The following IPPK variants were observed in gnomAD, a reference collection of about 807,000 sequenced individuals.
IPPK encodes IPK1 homolog.
IPPK carries 22 observed loss-of-function variants against 64.6 expected under a neutral mutation model. The ratio of observed to expected loss-of-function variants is 0.34; its 90% CI spans 0.24 to 0.49. IPPK has a LOEUF of 0.49. Among genes scored for constraint, IPPK ranks in the 20% least tolerant of loss-of-function variants. The pLI is 0.99. For synonymous variants in IPPK, 262 were observed against 247.2 expected, an observed-to-expected ratio of 1.06 and a Z score of -0.56; for missense variants, 532 against 630.7, an observed-to-expected ratio of 0.84 and a Z score of 1.68.
intron 12 of IPPK, chr9:92,618,243 G>A (rs1006000749): frequency 8.8e-6 from 4 of 456,548 alleles, no homozygotes; most frequent in Admixed American, 7.0e-5. Context: ...GATGGTTCCA[G>A]TGCCTACACC....
intron 3 of IPPK, among the ~76,000 whole-genome samples, chr9:92,654,964 C>G (rs577463345): frequency 1.6e-4 from 25 of 152,390 alleles, no homozygotes; most frequent in South Asian, 4.1e-4. Flanking sequence ...CCTGAGCCTT[C>G]AGGTTCCTCC....
chr9:92,633,239 C>G (rs1484323714), intron 11 of IPPK, among the ~76,000 whole-genome samples: 2 of 151,986 alleles, frequency 1.3e-5, no homozygotes, highest in Admixed American at 1.3e-4. Context: ...TCTCAATCTC[C>G]TGACCTCATA....
Position 92,632,163 on chromosome 9 carries a change from A to T in IPPK, c.1170+2223T>A, listed in dbSNP as rs140726896. Among the ~76,000 whole-genome samples the T allele has an allele frequency of 2.9e-3, 447 of 152,318 alleles. 2 individuals carry two copies. The highest frequency in any genetic ancestry group is 4.1e-3 in the Non-Finnish European group (281 of 68,028). ...GTGGTTTCCAGTTTTTAGCTGTTAC[A>T]AAAAGGGCTGCTGTGAACATTTCTG... On this transcript the variant is annotated intron_variant, in intron 11 of 12. Transcript: ENST00000287996.
At chr9:92,640,451 G>A (rs1852025152) in intron 8 of IPPK, among the ~76,000 whole-genome samples, 1 of 152,140 alleles carries the variant, frequency 6.6e-6, no homozygotes, top group South Asian at 2.1e-4. Context: ...GGCTTTGGTC[G>A]AGCACCCCAG....
At chr9:92,639,168 G>T (rs1852000824) in intron 8 of IPPK, among the ~76,000 whole-genome samples, 1 of 152,008 alleles carries the variant, frequency 6.6e-6, no homozygotes. Context: ...TCCACCTCAG[G>T]CTCCCAAGTA....
chr9:92,637,255 G>A (rs185297061), intron 9 of IPPK, among the ~76,000 whole-genome samples: 2 of 152,256 alleles, frequency 1.3e-5, no homozygotes, highest in East Asian at 1.9e-4. Context: ...GCAGTGAGTC[G>A]AGATCACACA....
At chr9:92,644,952 T>A (rs555261551) in intron 6 of IPPK, among the ~76,000 whole-genome samples, 4 of 152,160 alleles carry the variant, frequency 2.6e-5, no homozygotes, top group Non-Finnish European at 5.9e-5. Context: ...ACACTGGACT[T>A]ACCAGACAAA....
intron 4 of IPPK, among the ~76,000 whole-genome samples, chr9:92,651,903 TTG>T (rs1308518609): frequency 2.0e-5 from 3 of 151,952 alleles, no homozygotes; most frequent in African/African-American, 7.2e-5. Flanking sequence ...TATATATATT[TTG>T]TTTGTTTGTT....
chr9:92,640,069 C>T (rs1240066579), intron 8 of IPPK, among the ~76,000 whole-genome samples: 1 of 152,230 alleles, frequency 6.6e-6, no homozygotes, highest in Non-Finnish European at 1.5e-5. Context: ...TATCCACCTG[C>T]GATGGCTGTC....
intron 1 of IPPK, 135 bp downstream of exon 1, chr9:92,669,773 C>T (rs2277165): frequency 3.2e-6 from 2 of 627,492 alleles, no homozygotes; most frequent in African/African-American, 2.0e-5. Context: ...GGGGGAATTC[C>T]GGAGACCGGC....
intron 5 of IPPK, among the ~76,000 whole-genome samples, chr9:92,649,114 A>G (rs1172973149): frequency 1.3e-5 from 2 of 152,222 alleles, no homozygotes; most frequent in East Asian, 3.8e-4. Flanking sequence ...GACCCTGGCA[A>G]GCTGTGCCCT....
chr9:92,641,842 A>T (rs1319032146), intron 7 of IPPK, among the ~76,000 whole-genome samples: 1 of 152,226 alleles, frequency 6.6e-6, no homozygotes, highest in Non-Finnish European at 1.5e-5. Flanking sequence ...AAAGAAACTC[A>T]CACAGTGGAG....
intron 3 of IPPK, among the ~76,000 whole-genome samples, chr9:92,655,729 G>A (rs1852359760): frequency 6.6e-6 from 1 of 152,172 alleles, no homozygotes; most frequent in South Asian, 2.1e-4. Flanking sequence ...GCCATCTAAG[G>A]GATATGCCCT....
Position 92,663,924 on chromosome 9 carries a change from C to T in IPPK, c.82-5243G>A, listed in dbSNP as rs77576372. ...AAGACAACAGCAGCAGGGGTCACCC[C>T]TCAGGATGCCTTCTAGAAGCAATGC... On this transcript the variant is annotated intron_variant, in intron 1 of 12. Coordinates refer to ENST00000287996, the MANE Select transcript of IPPK (RefSeq NM_022755.6). Among the ~76,000 whole-genome samples, 1,008 of 152,374 alleles carry T rather than the reference C, an allele frequency of 6.6e-3. 10 individuals carry two copies. The highest frequency in any genetic ancestry group is 0.023 in the African/African-American group (961 of 41,592).
intron 6 of IPPK, among the ~76,000 whole-genome samples, chr9:92,643,214 T>C (rs1199655268): frequency 6.6e-6 from 1 of 152,256 alleles, no homozygotes; most frequent in East Asian, 1.9e-4. Context: ...TAAGTTGGCA[T>C]AACATTTTGA....
chr9:92,638,773 C>T (rs1851993130), intron 8 of IPPK, among the ~76,000 whole-genome samples: 1 of 152,196 alleles, frequency 6.6e-6, no homozygotes, highest in Non-Finnish European at 1.5e-5. Context: ...TACAGCTGAG[C>T]CAGATGGTGG....
At chr9:92,657,211 T>C (rs1852389219) in intron 2 of IPPK, among the ~76,000 whole-genome samples, 1 of 152,156 alleles carries the variant, frequency 6.6e-6, no homozygotes, top group South Asian at 2.1e-4. Context: ...TAGCCAGGCA[T>C]GGTGGCGGGC....
At chr9:92,668,636 C>A (rs1448857932) in intron 1 of IPPK, among the ~76,000 whole-genome samples, 3 of 152,162 alleles carry the variant, frequency 2.0e-5, no homozygotes, top group African/African-American at 7.2e-5. Flanking sequence ...GCACAGTAAC[C>A]CAACAACAAA....
chr9:92,649,554 G>A lies in IPPK; in HGVS notation c.313C>T (p.Leu105=). Residue 105 remains leucine (L), a synonymous_variant, in exon 5 of 13, where the codon CTG becomes TTG. Coordinates refer to ENST00000287996, the MANE Select transcript of IPPK (RefSeq NM_022755.6). ...ERPESRCDKD[L]DTLSGYAMCL... is the part of the protein sequence containing the mutation. Reference sequence around the variant, plus strand: ...ATAGCGTAACCACTGAGAGTATCCAGGTCCTTGTCACAGCGAGACTCTGGA... The same window carrying A: ...ATAGCGTAACCACTGAGAGTATCCAAGTCCTTGTCACAGCGAGACTCTGGA... The A allele has an allele frequency of 6.2e-7, 1 of 1,614,104 alleles. No individual in the cohort carries two copies. The highest frequency in any genetic ancestry group is 1.1e-5 in the South Asian group (1 of 91,072).
Sources: gnomAD v4.1 joint callset for allele counts (sites outside exome capture counted in the v4.1 genomes callset) on GRCh38, gnomAD v4.1.1 for gene constraint, MANE v1.5 for transcripts, NCBI Gene and HGNC (gene_info 2026-07-23, HGNC 2026-07-21) for gene names.